SLC45A4: variants seen among roughly 807,000 people sequenced by gnomAD.
SLC45A4 encodes the protein solute carrier family 45 member 4.
Under a neutral mutation model 63.7 loss-of-function variants are expected in SLC45A4, and 32 were observed. That is an observed-to-expected ratio of 0.50 (90% CI 0.38 to 0.67). The LOEUF is 0.67. SLC45A4 is among the 30% of genes least tolerant of loss of function. The pLI is 0.00. For missense variants in SLC45A4, 1,027 were observed against 1,157.7 expected (o/e 0.89, Z 1.64); for synonymous variants, 535 against 510.0 (o/e 1.05, Z -0.66).
chr8:141,279,212 T>TC (rs1293723817), intron 1 of SLC45A4, among the ~76,000 whole-genome samples: 4 of 152,116 alleles, frequency 2.6e-5, no homozygotes, highest in Non-Finnish European at 5.9e-5. Context: ...CCTGGCTCTA[T>TC]CCCCACCGTG....
Position 141,218,860 on chromosome 8 carries a change from C to A in SLC45A4, c.780G>T (p.Pro260=). ...GCTCCTCAGCGCTGCGCTCCTGCTG[C>A]GGGCTGTACTGCTCCTCGTCGATGC... ...LFSIDEEQYS[P]QQERSAEEPG... is the part of the protein sequence containing the mutation. The change falls in exon 5 of 9, where the codon CCG becomes CCT. Residue 260 remains proline (P), a synonymous_variant. Coordinates refer to ENST00000517878, the MANE Select transcript of SLC45A4 (RefSeq NM_001286646.2). 1 of 1,613,480 alleles carries A rather than the reference C, an allele frequency of 6.2e-7. No individual in the cohort carries two copies. Among genetic ancestry groups the A allele is most frequent in the Non-Finnish European group, 8.5e-7 (1 of 1,179,934 alleles).
chr8:141,221,446 C>A, intron 3 of SLC45A4, 131 bp downstream of exon 3: 1 of 1,197,066 alleles, frequency 8.4e-7, no homozygotes, highest in East Asian at 2.5e-5. Flanking sequence ...AGGGTGGCCC[C>A]GGCAGCCCAG....
At chr8:141,244,595 A>G (rs956958516) in intron 2 of SLC45A4, among the ~76,000 whole-genome samples, 1 of 152,156 alleles carries the variant, frequency 6.6e-6, no homozygotes, top group African/African-American at 2.4e-5. Flanking sequence ...AGATGCACAC[A>G]CTGTGGAGTG....
At chr8:141,247,461 T>C (rs559091963) in intron 2 of SLC45A4, among the ~76,000 whole-genome samples, 2 of 152,352 alleles carry the variant, frequency 1.3e-5, no homozygotes, top group East Asian at 1.9e-4. Context: ...GAAATTAAGA[T>C]GTCAATTCTC....
Position 141,256,553 on chromosome 8 carries a change from T to C in SLC45A4, c.-400-1924A>G, listed in dbSNP as rs748287596. On this transcript the variant is annotated intron_variant, in intron 1 of 8. Transcript: ENST00000517878. This position sits in a 1 kb window ranked among gnomAD's most constrained non-coding sequence, Gnocchi z 4.3. ...CCCCAGGAGGGAGAAGACTCCGCTG[T>C]ACAGGAGGTTCTGGAAGGAAGCCGT... The C allele has an allele frequency of 4.4e-6, 2 of 456,290 alleles. No individual in the cohort carries two copies. The highest frequency in any genetic ancestry group is 8.8e-6 in the Non-Finnish European group (2 of 226,972). The allele number at this position is 456,290 out of a possible 1,614,324, so 28.3% of individuals were successfully genotyped here.
chr8:141,240,582 C>T (rs139965586), intron 2 of SLC45A4, among the ~76,000 whole-genome samples: 4 of 152,154 alleles, frequency 2.6e-5, no homozygotes, highest in Non-Finnish European at 5.9e-5. Context: ...TAAAAAGTGA[C>T]CACAGGCCAG....
chr8:141,306,168 C>G (rs1043959269), intron 1 of SLC45A4, among the ~76,000 whole-genome samples: 5 of 152,220 alleles, frequency 3.3e-5, no homozygotes, highest in African/African-American at 9.6e-5. Flanking sequence ...CAGGCCACTC[C>G]CCCCACGAGG....
At chr8:141,240,943 C>T (rs1827880279) in intron 2 of SLC45A4, among the ~76,000 whole-genome samples, 1 of 152,204 alleles carries the variant, frequency 6.6e-6, no homozygotes, top group African/African-American at 2.4e-5. Flanking sequence ...GGGGCAGCCG[C>T]CCGGATCCAT....
chr8:141,246,607 G>GATGTGCAGGCCAAGGCAGCAACAGAGA (rs71322121), intron 2 of SLC45A4, among the ~76,000 whole-genome samples: 3 of 151,788 alleles, frequency 2.0e-5, no homozygotes, highest in Admixed American at 6.6e-5. Context: ...AATTACTCAA[G>GATGTGCAGGCCAAGGCAGCAACAGAGA]GGGAGGGCAT....
At chr8:141,306,506 C>T (rs772616365) in intron 1 of SLC45A4, among the ~76,000 whole-genome samples, 2 of 152,186 alleles carry the variant, frequency 1.3e-5, no homozygotes, top group African/African-American at 2.4e-5. Context: ...AATCTCTGCT[C>T]GTTCTTTTAA....
rs757800240 is a variant in SLC45A4 at position 141,218,775 on chromosome 8, A to G, written c.865T>C (p.Ser289Pro). 71 of 1,613,188 alleles carry G rather than the reference A, an allele frequency of 4.4e-5. No homozygotes were observed. Among genetic ancestry groups the G allele is most frequent in the Non-Finnish European group, 5.9e-5 (70 of 1,179,836 alleles). Residue 289 changes from serine to proline, a missense_variant, in exon 5 of 9, where the codon TCG becomes CCG. Ser to Pro is a moderately conservative substitution (Grantham distance 74, BLOSUM62 -1). Coordinates refer to ENST00000517878, the MANE Select transcript of SLC45A4 (RefSeq NM_001286646.2). ...GVPAFPDEVQ[S>P]EHELALDYPD... is the part of the protein sequence containing the mutation. ...TAGTCCAGGGCCAGCTCGTGCTCCG[A>G]CTGTACCTCGTCTGGGAAGGCAGGG...
At chr8:141,285,775 C>A (rs1002861142) in intron 1 of SLC45A4, among the ~76,000 whole-genome samples, 4 of 152,202 alleles carry the variant, frequency 2.6e-5, no homozygotes, top group African/African-American at 9.7e-5. Flanking sequence ...CCCTTCTGAC[C>A]GGCCGAGGGC....
At chr8:141,271,848 T>TAC (rs748219759) in intron 1 of SLC45A4, among the ~76,000 whole-genome samples, 41,311 of 151,242 alleles carry the variant, frequency 0.27, 5,905 homozygotes, top group East Asian at 0.4. Flanking sequence ...CACACCTGTG[T>TAC]ACACACACAC....
intron 1 of SLC45A4, among the ~76,000 whole-genome samples, chr8:141,263,625 C>G (rs1486880110): frequency 2.0e-5 from 3 of 150,902 alleles, no homozygotes; most frequent in African/African-American, 7.3e-5. Context: ...CAAAAATTAG[C>G]TGGGCATGGT....
chr8:141,223,664 T>C (rs1826796632), intron 2 of SLC45A4, among the ~76,000 whole-genome samples: 1 of 152,208 alleles, frequency 6.6e-6, no homozygotes, highest in African/African-American at 2.4e-5. Context: ...CCCCTCCTGC[T>C]GTCCCTTTTC....
chr8:141,234,418 G>C (rs539185697), intron 2 of SLC45A4, among the ~76,000 whole-genome samples: 1 of 152,190 alleles, frequency 6.6e-6, no homozygotes, highest in Non-Finnish European at 1.5e-5. Context: ...AAGGGCGTCC[G>C]TTGTTTGTTC....
At chr8:141,279,764 G>A (rs1211263016) in intron 1 of SLC45A4, among the ~76,000 whole-genome samples, 6 of 152,196 alleles carry the variant, frequency 3.9e-5, no homozygotes, top group Admixed American at 6.5e-5. Flanking sequence ...TTCCATCTGC[G>A]AACAAAAACT....
At chr8:141,279,454 T>G (rs1829853874) in intron 1 of SLC45A4, among the ~76,000 whole-genome samples, 1 of 152,250 alleles carries the variant, frequency 6.6e-6, no homozygotes, top group South Asian at 2.1e-4. Flanking sequence ...CTACCCCCAT[T>G]CTTACGTCTG....
At chr8:141,270,645 A>G (rs891365952) in intron 1 of SLC45A4, among the ~76,000 whole-genome samples, 1 of 152,162 alleles carries the variant, frequency 6.6e-6, no homozygotes, top group Non-Finnish European at 1.5e-5. Flanking sequence ...CACTCTAGCC[A>G]GGGTGACAGA....
Sources: allele counts gnomAD v4.1 joint callset (sites outside exome capture counted in the v4.1 genomes callset), GRCh38; gene constraint gnomAD v4.1.1; non-coding constraint Gnocchi (gnomAD v3.1); transcripts MANE v1.5; gene names NCBI Gene and HGNC (gene_info 2026-07-23, HGNC 2026-07-21).